Variants in SLC8A1 observed in about 807,000 individuals in gnomAD.
The protein encoded by SLC8A1 is sodium/calcium exchanger 1.
In SLC8A1, 18 loss-of-function variants were observed where a neutral mutation model predicts 68.3. The observed-to-expected ratio is 0.26, with a 90% CI of 0.18 to 0.39. SLC8A1 has a LOEUF of 0.39. Among genes scored for constraint, SLC8A1 ranks in the 10% least tolerant of loss-of-function variants. SLC8A1 has a pLI of 1.00. For synonymous variants in SLC8A1, 475 were observed against 415.5 expected (o/e 1.14, Z -1.74); for missense variants, 985 against 1,156.7 (o/e 0.85, Z 2.15).
At chr2:40,240,148 G>C (rs1463261556) in intron 2 of SLC8A1, among the ~76,000 whole-genome samples, 1 of 152,198 alleles carries the variant, frequency 6.6e-6, no homozygotes, top group Non-Finnish European at 1.5e-5. Context: ...ATAATATTTG[G>C]GGGAAAGGAA....
exon 2 of SLC8A1, chr2:40,429,687 A>T (rs766709171): frequency 1.2e-6 from 2 of 1,613,776 alleles, no homozygotes; most frequent in Non-Finnish European, 1.7e-6. Context: ...GCAAATGCTT[A>T]ATCTTCCTTG....
intron 2 of SLC8A1, among the ~76,000 whole-genome samples, chr2:40,275,683 G>T (rs2066611703): frequency 6.6e-6 from 1 of 152,186 alleles, no homozygotes; most frequent in Non-Finnish European, 1.5e-5. Context: ...ATTTAAAAAT[G>T]ATCCTCGTCC....
chr2:40,488,614 T>TTG (rs1236955558), intron 1 of SLC8A1, among the ~76,000 whole-genome samples: 1 of 151,816 alleles, frequency 6.6e-6, no homozygotes, highest in Non-Finnish European at 1.5e-5. Flanking sequence ...GACCAAAGAG[T>TTG]TGGGGGGAGA....
chr2:40,388,732 G>A (rs910596340), intron 2 of SLC8A1, among the ~76,000 whole-genome samples: 2 of 152,110 alleles, frequency 1.3e-5, no homozygotes, highest in African/African-American at 4.8e-5. Flanking sequence ...TTTTGGTGAT[G>A]TGCAAAACAA....
chr2:40,115,881 G>A (rs1343775267), intron 7 of SLC8A1, among the ~76,000 whole-genome samples: 1 of 152,200 alleles, frequency 6.6e-6, no homozygotes, highest in African/African-American at 2.4e-5. Flanking sequence ...TGTATCCACA[G>A]ATACTGCAGT....
At chr2:40,129,405 CT>C (rs11366756) in intron 7 of SLC8A1, among the ~76,000 whole-genome samples, 144,770 of 149,826 alleles carry the variant, frequency 0.97, 70,148 homozygotes, top group Non-Finnish European at 1. Flanking sequence ...TAATTTAAAA[CT>C]TTTTTTTTTT....
intron 2 of SLC8A1, among the ~76,000 whole-genome samples, chr2:40,192,050 T>C (rs554036634): frequency 6.6e-6 from 1 of 152,236 alleles, no homozygotes; most frequent in East Asian, 1.9e-4. Context: ...ATAAGACAAA[T>C]TATATGTAAC....
intron 2 of SLC8A1, among the ~76,000 whole-genome samples, chr2:40,379,550 C>T (rs879682766): frequency 3.9e-5 from 6 of 152,048 alleles, no homozygotes; most frequent in South Asian, 2.1e-4. Context: ...TAACCGAAGT[C>T]GCCCCCTTGC....
At chr2:40,153,288 G>A (rs957160370) in intron 6 of SLC8A1, among the ~76,000 whole-genome samples, 1 of 152,136 alleles carries the variant, frequency 6.6e-6, no homozygotes, top group Non-Finnish European at 1.5e-5. Context: ...AACTCACAAG[G>A]TCATCTCTTC....
At chr2:40,177,694 A>C in intron 3 of SLC8A1, 1 of 1,004,362 alleles carries the variant, frequency 1.0e-6, no homozygotes. Context: ...GAGAGTAGGG[A>C]GACACGGAGA....
chr2:40,227,117 G>T (rs1424026317), intron 2 of SLC8A1, among the ~76,000 whole-genome samples: 1 of 152,026 alleles, frequency 6.6e-6, no homozygotes, highest in African/African-American at 2.4e-5. Context: ...CAAAAGTTCT[G>T]ATCTTTTCTT....
intron 2 of SLC8A1, among the ~76,000 whole-genome samples, chr2:40,277,401 G>T (rs192294524): frequency 6.6e-6 from 1 of 151,972 alleles, no homozygotes; most frequent in Non-Finnish European, 1.5e-5. Context: ...TTAGCCAGGC[G>T]TGGTGGTGGG....
intron 2 of SLC8A1, among the ~76,000 whole-genome samples, chr2:40,358,772 TG>T (rs1673569210): frequency 6.6e-6 from 1 of 152,220 alleles, no homozygotes; most frequent in African/African-American, 2.4e-5. Context: ...TAAGGTTTTT[TG>T]TCTATTAAAC....
intron 2 of SLC8A1, among the ~76,000 whole-genome samples, chr2:40,357,298 A>G (rs888262416): frequency 6.6e-6 from 1 of 151,998 alleles, no homozygotes; most frequent in Non-Finnish European, 1.5e-5. Flanking sequence ...TTGAGACCAG[A>G]CTGGGCAACA....
intron 2 of SLC8A1, among the ~76,000 whole-genome samples, chr2:40,212,499 GGTCT>G (rs2056791963): frequency 6.6e-6 from 1 of 151,932 alleles, no homozygotes; most frequent in South Asian, 2.1e-4. Context: ...TGGCCAGGAT[GGTCT>G]GTATCTCCTG....
chr2:40,113,183 A>T (rs1161334597), exon 8 of SLC8A1: 1 of 152,390 alleles, frequency 6.6e-6, no homozygotes, highest in South Asian at 2.1e-4. Flanking sequence ...CAGTCACCAA[A>T]TGTTTATTAA....
At chr2:40,243,374 A>T (rs1397696809) in intron 2 of SLC8A1, among the ~76,000 whole-genome samples, 1 of 152,074 alleles carries the variant, frequency 6.6e-6, no homozygotes, top group Non-Finnish European at 1.5e-5. Context: ...GGTCCCACCT[A>T]CTTGAGAGCT....
intron 2 of SLC8A1, 136 bp from the exon 3 acceptor site, chr2:40,178,629 T>G: frequency 1.4e-6 from 1 of 711,642 alleles, no homozygotes; most frequent in Non-Finnish European, 2.4e-6. Flanking sequence ...ACTGTGAGTT[T>G]TTTCTTCAAG....
intron 2 of SLC8A1, among the ~76,000 whole-genome samples, chr2:40,286,302 T>C (rs1195562720): frequency 1.3e-5 from 2 of 152,168 alleles, no homozygotes; most frequent in African/African-American, 4.8e-5. Context: ...CTGTTCCTTA[T>C]TCAAGCTTCC....
Sources: allele counts gnomAD v4.1 joint callset (sites outside exome capture counted in the v4.1 genomes callset), GRCh38; gene constraint gnomAD v4.1.1; transcripts MANE v1.5; gene names NCBI Gene and HGNC (gene_info 2026-07-23, HGNC 2026-07-21).